Variants in EML1 observed in about 807,000 individuals in gnomAD.
EML1 encodes the protein echinoderm microtubule-associated protein-like 1.
In EML1, 27 loss-of-function variants were observed where a neutral mutation model predicts 110.4. The observed-to-expected ratio is 0.24, with a 90% CI of 0.18 to 0.34. The LOEUF (loss-of-function observed/expected upper bound fraction) is 0.34, where lower values mean the gene tolerates loss of function less well. Among genes scored for constraint, EML1 ranks in the 10% least tolerant of loss-of-function variants. EML1 has a pLI of 1.00. For synonymous variants in EML1, 344 were observed against 385.8 expected (o/e 0.89, Z 1.27); for missense variants, 741 against 1,030.9 (o/e 0.72, Z 3.85).
chr14:99,809,546 G>T, intron 1 of EML1: 1 of 436,170 alleles, frequency 2.3e-6, no homozygotes, highest in Non-Finnish European at 4.6e-6. Context: ...CCTCGGCCGT[G>T]CACTGCCAGC....
At chr14:99,762,763 G>A (rs896664151) in intron 1 of EML1, among the ~76,000 whole-genome samples, 3 of 152,208 alleles carry the variant, frequency 2.0e-5, no homozygotes. Flanking sequence ...TCCAGTCACT[G>A]CACTTCGCCC....
chr14:99,744,856 A>G (rs1171838272), intron 1 of EML1, among the ~76,000 whole-genome samples: 1 of 152,228 alleles, frequency 6.6e-6, no homozygotes, highest in Non-Finnish European at 1.5e-5. Flanking sequence ...AGGGTGTTGG[A>G]ATGAGTAGGC....
intron 17 of EML1, among the ~76,000 whole-genome samples, chr14:99,935,011 C>T (rs2060442535): frequency 6.6e-6 from 1 of 152,120 alleles, no homozygotes; most frequent in Admixed American, 6.5e-5. Context: ...GAAGGGCTGT[C>T]CAGGCAGAGA....
chr14:99,887,239 T>G (rs921536877), intron 4 of EML1, among the ~76,000 whole-genome samples: 1 of 152,186 alleles, frequency 6.6e-6, no homozygotes, highest in African/African-American at 2.4e-5. Flanking sequence ...ACCATTCAGC[T>G]CAAGGGAGCA....
intron 5 of EML1, chr14:99,892,124 C>T (rs1300521971): frequency 9.1e-6 from 9 of 985,352 alleles, no homozygotes; most frequent in South Asian, 9.4e-5. Context: ...AGTACTCCAC[C>T]GTCTCTTTAT....
At chr14:99,883,077 A>T (rs1311717188) in intron 4 of EML1, among the ~76,000 whole-genome samples, 2 of 152,160 alleles carry the variant, frequency 1.3e-5, no homozygotes, top group African/African-American at 2.4e-5. Flanking sequence ...CCGTCGGCTC[A>T]ACAGTACTCC....
Position 99,916,828 on chromosome 14 carries a change from G to A in EML1, c.1753-954G>A, listed in dbSNP as rs146724272. ...CACCAGTGATAATTCTTCCTCTCCT[G>A]GGAGGCCCAAGTCCAGTCGTCTGTA... On this transcript the variant is annotated intron_variant, in intron 15 of 21. Coordinates refer to ENST00000262233, the MANE Select transcript of EML1 (RefSeq NM_004434.3). 4.6e-5 allele frequency among the ~76,000 whole-genome samples: 7 copies of A among 152,288 alleles called. No individual in the cohort carries two copies. The East Asian group carries it at 1.2e-3, about 25-fold the overall frequency.
At chr14:99,865,052 CTTCT>C (rs889587741) in intron 2 of EML1, among the ~76,000 whole-genome samples, 12 of 151,966 alleles carry the variant, frequency 7.9e-5, no homozygotes, top group African/African-American at 2.9e-4. Context: ...TATTGTGTAC[CTTCT>C]TTCTTATTAT....
At chr14:99,922,382 C>G (rs569857298) in intron 17 of EML1, among the ~76,000 whole-genome samples, 12 of 152,246 alleles carry the variant, frequency 7.9e-5, no homozygotes, top group Middle Eastern at 6.8e-3. Context: ...TCCCAAAGTG[C>G]TGGGTTTACA....
chr14:99,761,746 G>A (rs761078013), intron 1 of EML1, among the ~76,000 whole-genome samples: 5 of 152,008 alleles, frequency 3.3e-5, no homozygotes, highest in Admixed American at 6.6e-5. Context: ...CCAACATGGC[G>A]AAACCCTGTC....
At chr14:99,878,154 A>C (rs55669451) in intron 3 of EML1, among the ~76,000 whole-genome samples, 2 of 151,696 alleles carry the variant, frequency 1.3e-5, no homozygotes, top group Middle Eastern at 6.3e-3. Context: ...AAACCAAAAG[A>C]TTGGACATCC....
intron 1 of EML1, among the ~76,000 whole-genome samples, chr14:99,785,453 G>A (rs747978913): frequency 6.6e-6 from 1 of 152,200 alleles, no homozygotes; most frequent in Non-Finnish European, 1.5e-5. Flanking sequence ...GGCAAGAGAT[G>A]GCAAGAGACT....
chr14:99,790,491 C>CCA (rs75793424), upstream of EML1, among the ~76,000 whole-genome samples: 19,503 of 152,086 alleles, frequency 0.13, 1,484 homozygotes, highest in East Asian at 0.37. Context: ...GCACACACCA[C>CCA]CACACCCGGC....
intron 6 of EML1, among the ~76,000 whole-genome samples, chr14:99,895,628 A>G (rs1355483375): frequency 6.6e-6 from 1 of 152,198 alleles, no homozygotes; most frequent in Non-Finnish European, 1.5e-5. Flanking sequence ...GGACTTGGCC[A>G]GCCTTAGGAG....
chr14:99,883,981 A>G (rs2139958041), intron 4 of EML1, among the ~76,000 whole-genome samples: 1 of 152,312 alleles, frequency 6.6e-6, no homozygotes. Context: ...ATGGGCCTTT[A>G]TTGCCACAGC....
intron 1 of EML1, among the ~76,000 whole-genome samples, chr14:99,806,302 C>G (rs1430899834): frequency 6.7e-6 from 1 of 149,890 alleles, no homozygotes; most frequent in East Asian, 2.0e-4. Context: ...GTTTTGGTAT[C>G]CGATCTCCAG....
chr14:99,805,129 A>G (rs567625775), intron 1 of EML1, among the ~76,000 whole-genome samples: 6 of 152,316 alleles, frequency 3.9e-5, no homozygotes, highest in African/African-American at 1.4e-4. Context: ...ATGTAGGCGC[A>G]GCTCACTGGG....
intron 1 of EML1, among the ~76,000 whole-genome samples, chr14:99,843,558 G>A (rs886603206): frequency 6.6e-6 from 1 of 152,114 alleles, no homozygotes; most frequent in Non-Finnish European, 1.5e-5. Flanking sequence ...TACTCTTGTT[G>A]CACCTGTTTT....
At chr14:99,883,403 T>C (rs971013916) in intron 4 of EML1, 2 of 152,112 alleles carry the variant, frequency 1.3e-5, no homozygotes, top group African/African-American at 4.8e-5. Flanking sequence ...TGTTGGCACA[T>C]ACCTGTAGTC....
Sources: gnomAD v4.1 joint callset for allele counts (sites outside exome capture counted in the v4.1 genomes callset) on GRCh38, gnomAD v4.1.1 for gene constraint, MANE v1.5 for transcripts, NCBI Gene and HGNC (gene_info 2026-07-23, HGNC 2026-07-21) for gene names.